ZNF605: variants seen among roughly 807,000 people sequenced by gnomAD.
ZNF605 encodes the protein zinc finger protein 605.
ZNF605 carries 9 observed loss-of-function variants against 7.9 expected under a neutral mutation model. The ratio of observed to expected loss-of-function variants is 1.14; its 90% CI spans 0.68 to 1.98. ZNF605 has a LOEUF of 1.98. Ranked by LOEUF, ZNF605 falls within the 30% of genes most tolerant of loss-of-function variation. The pLI, the probability that ZNF605 is intolerant of heterozygous loss-of-function variation, is 0.00. For synonymous variants in ZNF605, 255 were observed against 260.1 expected (o/e 0.98, Z 0.19); for missense variants, 673 against 762.4 (o/e 0.88, Z 1.38).
At position 132,933,885 on chromosome 12, in the gene ZNF605, T is replaced by G. The variant is rs969329164; in HGVS notation, c.16-730A>C. On this transcript the variant is annotated intron_variant, in intron 3 of 4. Coordinates refer to ENST00000360187, the MANE Select transcript of ZNF605 (RefSeq NM_183238.4). This position sits in a 1 kb window ranked among gnomAD's most constrained non-coding sequence, Gnocchi z 4.4. ...AGGTGCCACTAGTATTTGAGAACCATTCTTAGGTAAGGAATACTGTTCCAT... is the reference window on the plus strand; with the variant it reads ...AGGTGCCACTAGTATTTGAGAACCAGTCTTAGGTAAGGAATACTGTTCCAT... 1.3e-5 allele frequency among the ~76,000 whole-genome samples: 2 copies of G among 152,200 alleles called. No individual in the cohort carries two copies. Among genetic ancestry groups the G allele is most frequent in the Non-Finnish European group, 2.9e-5 (2 of 68,030 alleles).
In ZNF605 at chr12:132,922,956, C is replaced by G. The variant is rs537549719; in HGVS notation, c.*2417G>C. ...AAGACAGCCTCAGGGGGGAGCAGAG[C>G]AGAAAATGGGGGAAAAGGGATCAAA... On this transcript the variant is annotated 3_prime_UTR_variant, in exon 5 of 5. Coordinates refer to ENST00000360187, the MANE Select transcript of ZNF605 (RefSeq NM_183238.4). 58 of 152,370 alleles carry G rather than the reference C, an allele frequency of 3.8e-4. No homozygotes were observed. Among genetic ancestry groups the G allele is most frequent in the African/African-American group, 1.4e-3 (58 of 41,524 alleles). 9.4% of individuals were successfully genotyped at this position (152,370 alleles called of 1,614,324 possible). A position where few individuals can be genotyped will look rare whatever the true frequency, so the allele number is the denominator to read the frequency against.
In ZNF605 at chr12:132,924,785, G is replaced by A. The variant is rs1952231159; in HGVS notation, c.*588C>T. 1 of 152,234 alleles carries A rather than the reference G, an allele frequency of 6.6e-6. No homozygotes were observed. The highest frequency in any genetic ancestry group is 1.5e-5 in the Non-Finnish European group (1 of 68,126). The allele number at this position is 152,234 out of a possible 1,614,324, so 9.4% of individuals were successfully genotyped here. A position where few individuals can be genotyped will look rare whatever the true frequency, so the allele number is the denominator to read the frequency against. Reference sequence around the variant, plus strand: ...AGGCAGGAGAGGAAATCTGACCCTTGTTATTCCATCACAGCAGTAAGGAGA... The same window carrying A: ...AGGCAGGAGAGGAAATCTGACCCTTATTATTCCATCACAGCAGTAAGGAGA... On this transcript the variant is annotated 3_prime_UTR_variant, in exon 5 of 5. Transcript: ENST00000360187.
At position 132,925,923 on chromosome 12, in the gene ZNF605, G is replaced by A; in HGVS notation, c.1376C>T (p.Thr459Ile). Reference sequence around the variant, plus strand: ...ATGTGATATCAGGCTTGACTTCTGGGTGAAGGCCTTCCCACACTCACTGCA... The same window carrying A: ...ATGTGATATCAGGCTTGACTTCTGGATGAAGGCCTTCCCACACTCACTGCA... ...YECSECGKAF[T>I]QKSSLISHQR... Residue 459 changes from threonine to isoleucine, a missense_variant, in exon 5 of 5, where the codon ACC becomes ATC. Transcript: ENST00000360187. The A allele has an allele frequency of 2.5e-6, 4 of 1,614,044 alleles. No individual in the cohort carries two copies. Among genetic ancestry groups the A allele is most frequent in the Non-Finnish European group, 3.4e-6 (4 of 1,179,994 alleles).
intron 1 of ZNF605, among the ~76,000 whole-genome samples, chr12:132,954,623 T>A (rs1235903746): frequency 6.6e-6 from 1 of 151,172 alleles, no homozygotes; most frequent in Non-Finnish European, 1.5e-5. Context: ...AGTCACTCAA[T>A]GCCCAGGGAT....
intron 1 of ZNF605, among the ~76,000 whole-genome samples, chr12:132,952,642 G>C (rs1248106840): frequency 2.6e-5 from 4 of 151,746 alleles, no homozygotes; most frequent in Non-Finnish European, 4.4e-5. Context: ...GGTCTTGGGT[G>C]GGGGAGCCGG....
chr12:132,939,427 C>T (rs1192573617), intron 3 of ZNF605, among the ~76,000 whole-genome samples: 1 of 151,958 alleles, frequency 6.6e-6, no homozygotes, highest in East Asian at 1.9e-4. Flanking sequence ...GGTTTGTAAA[C>T]ACACCAATCA....
rs1952214402 is a variant in ZNF605, at chr12:132,922,542, T to C, written c.*2831A>G. On this transcript the variant is annotated 3_prime_UTR_variant, in exon 5 of 5. Coordinates refer to ENST00000360187, the MANE Select transcript of ZNF605 (RefSeq NM_183238.4). ...CCTATGCACTATGCGGCACTTGTAC[T>C]GATAACTGATTATCACAATTTTATT... 1 of 152,258 alleles carries C rather than the reference T, an allele frequency of 6.6e-6. No homozygotes were observed. Among genetic ancestry groups the C allele is most frequent in the Non-Finnish European group, 1.5e-5 (1 of 68,054 alleles). The allele number at this position is 152,258 out of a possible 1,614,324, so 9.4% of individuals were successfully genotyped here.
rs1212071658 is a variant in ZNF605 at position 132,926,266 on chromosome 12, C to CT, written c.1032dup (p.Ala345SerfsTer10). ...ATGAGAAGTGAGTTCCTGCTGAAGGCTTTTTGACACTCACCACATCCGTAA... is the reference window on the plus strand; with the variant it reads ...ATGAGAAGTGAGTTCCTGCTGAAGGCTTTTTTGACACTCACCACATCCGTAA... On this transcript the variant is annotated frameshift_variant, in exon 5 of 5. Transcript: ENST00000360187. LOFTEE classifies it low-confidence loss of function (END_TRUNC). 1.2e-5 allele frequency: 20 copies of CT among 1,613,806 alleles called. No individual in the cohort carries two copies. Among genetic ancestry groups the CT allele is most frequent in the Non-Finnish European group, 1.7e-5 (20 of 1,179,960 alleles).
chr12:132,920,014 A>AT lies in ZNF605; in HGVS notation c.*5358dup, dbSNP rs983505976. The AT allele has an allele frequency of 2.0e-5, 3 of 149,296 alleles. No homozygotes were observed. The highest frequency in any genetic ancestry group is 7.4e-5 in the African/African-American group (3 of 40,370). The allele number at this position is 149,296 out of a possible 1,614,324, so 9.2% of individuals were successfully genotyped here. On this transcript the variant is annotated 3_prime_UTR_variant, in exon 5 of 5. Transcript: ENST00000360187. ...GCCACCAAGCCCGGCTAATTTTTGC[A>AT]TTTTTAGTAGAGATGGGGTTTCACC... is the stretch of plus-strand genomic sequence containing the variant.
chr12:132,945,745 T>A lies in ZNF605; in HGVS notation c.-110A>T. ...AACTGAGAATACATCCTTGGTCTTG[T>A]GGGCTCTTCTTTCTTATCTCACATG... is the stretch of plus-strand genomic sequence containing the variant. On this transcript the variant is annotated 5_prime_UTR_variant, in exon 3 of 5. Transcript: ENST00000360187. 1 of 1,492,018 alleles carries A rather than the reference T, an allele frequency of 6.7e-7. No homozygotes were observed. The highest frequency in any genetic ancestry group is 9.4e-7 in the Non-Finnish European group (1 of 1,069,356). The allele number at this position is 1,492,018 out of a possible 1,614,324, so 92.4% of individuals were successfully genotyped here.
rs971231893 is a variant in ZNF605 at position 132,926,393 on chromosome 12, C to A, written c.906G>T (p.Ala302=). The A allele has an allele frequency of 1.9e-6, 3 of 1,613,734 alleles. No individual in the cohort carries two copies. Among genetic ancestry groups the A allele is most frequent in the Non-Finnish European group, 2.5e-6 (3 of 1,179,936 alleles). Residue 302 remains alanine, a synonymous_variant, in exon 5 of 5, where the codon GCG becomes GCT. Transcript: ENST00000360187. ...ATGGATAGGGTTTCTCTCCTGTGTG[C>A]GCTCTCTGATGTGTGATGAGTTTTA... ...QKLKLITHQR[A]HTGEKPYPCS...
rs1952187439 is a variant in ZNF605, at chr12:132,919,816, A to G, written c.*5557T>C. 1 of 152,122 alleles carries G rather than the reference A, an allele frequency of 6.6e-6. No homozygotes were observed. Among genetic ancestry groups the G allele is most frequent in the Admixed American group, 6.5e-5 (1 of 15,272 alleles). The allele number at this position is 152,122 out of a possible 1,614,324, so 9.4% of individuals were successfully genotyped here. A position where few individuals can be genotyped will look rare whatever the true frequency, so the allele number is the denominator to read the frequency against. ...GCTGTGCACATTTCGAGATTTAGGT[A>G]TCACTAAATAAGTTTGGTGTTCCCT... On this transcript the variant is annotated 3_prime_UTR_variant, in exon 5 of 5. Coordinates refer to ENST00000360187, the MANE Select transcript of ZNF605 (RefSeq NM_183238.4).
chr12:132,949,309 C>T (rs1425447151), intron 1 of ZNF605, among the ~76,000 whole-genome samples: 1 of 152,192 alleles, frequency 6.6e-6, no homozygotes, highest in Non-Finnish European at 1.5e-5. Flanking sequence ...TTCATTTAAA[C>T]CACCAGTGCT....
chr12:132,949,281 G>A (rs1212552574), intron 1 of ZNF605, among the ~76,000 whole-genome samples: 2 of 152,202 alleles, frequency 1.3e-5, no homozygotes, highest in Non-Finnish European at 2.9e-5. Context: ...AAAATAGGCT[G>A]TTTGAGCACA....
In ZNF605 at chr12:132,922,350, C is replaced by T. The variant is rs897165051; in HGVS notation, c.*3023G>A. Reference sequence around the variant, plus strand: ...TTACTGAAGAGGAGCTTAGTAATAACTGCAAGTCTATTTATATATGTAGCA... The same window carrying T: ...TTACTGAAGAGGAGCTTAGTAATAATTGCAAGTCTATTTATATATGTAGCA... On this transcript the variant is annotated 3_prime_UTR_variant, in exon 5 of 5. Coordinates refer to ENST00000360187, the MANE Select transcript of ZNF605 (RefSeq NM_183238.4). The T allele has an allele frequency of 6.6e-6, 1 of 152,184 alleles. No individual in the cohort carries two copies. Among genetic ancestry groups the T allele is most frequent in the African/African-American group, 2.4e-5 (1 of 41,450 alleles). The allele number at this position is 152,184 out of a possible 1,614,324, so 9.4% of individuals were successfully genotyped here.
intron 3 of ZNF605, among the ~76,000 whole-genome samples, chr12:132,940,833 G>C (rs928955019): frequency 4.6e-5 from 7 of 152,108 alleles, no homozygotes; most frequent in Admixed American, 4.6e-4. Flanking sequence ...TTTGGGGTAC[G>C]ACTGATCCTG....
intron 4 of ZNF605, among the ~76,000 whole-genome samples, chr12:132,928,077 T>G (rs1035200389): frequency 3.9e-5 from 6 of 152,196 alleles, no homozygotes; most frequent in African/African-American, 1.4e-4. Context: ...TTTTTGACAA[T>G]AATCTATGAT....
intron 2 of ZNF605, 38 bp from the exon 3 acceptor site, chr12:132,945,835 A>G (rs1203971419): frequency 2.7e-6 from 2 of 730,536 alleles, no homozygotes; most frequent in Admixed American, 2.6e-5. Flanking sequence ...AGATGATCTA[A>G]TTAATTTGGG....
chr12:132,937,840 T>A (rs1265172511), intron 3 of ZNF605, among the ~76,000 whole-genome samples: 3 of 152,120 alleles, frequency 2.0e-5, no homozygotes, highest in African/African-American at 4.8e-5. Flanking sequence ...CTGTGGCCCA[T>A]CCATACATGG....
Sources: allele counts gnomAD v4.1 joint callset (sites outside exome capture counted in the v4.1 genomes callset), GRCh38; gene constraint gnomAD v4.1.1; non-coding constraint Gnocchi (gnomAD v3.1); transcripts MANE v1.5; gene names NCBI Gene and HGNC (gene_info 2026-07-23, HGNC 2026-07-21).